TRIM37: variants seen among roughly 807,000 people sequenced by gnomAD.
TRIM37 encodes tripartite motif containing 37.
A neutral mutation model predicts 129.8 loss-of-function variants in TRIM37; 80 were observed. That is an observed-to-expected ratio of 0.62 (90% CI 0.51 to 0.74). TRIM37 has a LOEUF of 0.74. Ranked by LOEUF, TRIM37 falls within the 30% of genes least tolerant of loss-of-function variation. The pLI is 0.00. For missense variants in TRIM37, 1,054 were observed against 1,176.5 expected (o/e 0.90, Z 1.52); for synonymous variants, 389 against 387.1 (o/e 1.00, Z -0.06).
exon 25 of TRIM37, chr17:58,982,751 G>A (rs1049874414): frequency 3.4e-5 from 19 of 556,748 alleles, no homozygotes; most frequent in African/African-American, 2.1e-4. Flanking sequence ...TTCTTCTCAC[G>A]TCTGTGACAA....
At chr17:59,079,095 A>C (rs915032162) in intron 7 of TRIM37, among the ~76,000 whole-genome samples, 1 of 152,058 alleles carries the variant, frequency 6.6e-6, no homozygotes, top group African/African-American at 2.4e-5. Context: ...TTTAAAGTAT[A>C]TATATTTCAC....
chr17:59,009,149 CAG>C (rs747837158), intron 22 of TRIM37, among the ~76,000 whole-genome samples: 6 of 152,028 alleles, frequency 3.9e-5, no homozygotes, highest in Admixed American at 2.0e-4. Context: ...TTTTTTGAGA[CAG>C]AGTCTCGCTC....
chr17:58,998,539 C>A lies in TRIM37; in HGVS notation c.*838G>T, dbSNP rs529727378. Reference sequence around the variant, plus strand: ...CACGTTCATGTAAGCCACTGTGCAACATGAATGAATCTTTAAATGTGTTGA... The same window carrying A: ...CACGTTCATGTAAGCCACTGTGCAAAATGAATGAATCTTTAAATGTGTTGA... On this transcript the variant is annotated 3_prime_UTR_variant, in exon 24 of 24. Transcript: ENST00000262294. 4.1e-6 allele frequency: 4 copies of A among 985,274 alleles called. No homozygotes were observed. In the South Asian group the frequency reaches 1.4e-4, roughly 35 times the overall value. The allele number at this position is 985,274 out of a possible 1,614,324, so 61.0% of individuals were successfully genotyped here.
intron 24 of TRIM37, among the ~76,000 whole-genome samples, chr17:58,986,411 C>G (rs1462173344): frequency 6.6e-6 from 1 of 151,464 alleles, no homozygotes; most frequent in Non-Finnish European, 1.5e-5. Context: ...GTTGGCCAGG[C>G]TGGTCTCGAA....
chr17:58,971,993 T>C, the TRIM37 span: 4 of 795,872 alleles, frequency 5.0e-6, no homozygotes, highest in Non-Finnish European at 7.7e-6. Context: ...ATTGAGACAA[T>C]GAATTATTAT....
chr17:59,028,791 T>C (rs1568018397), intron 18 of TRIM37, 68 bp from the exon 19 acceptor site: 1 of 1,547,154 alleles, frequency 6.5e-7, no homozygotes. Context: ...GTACCATGAA[T>C]ATATGCAAAT....
intron 17 of TRIM37, among the ~76,000 whole-genome samples, chr17:59,034,239 A>T (rs1241591110): frequency 1.3e-5 from 2 of 152,078 alleles, no homozygotes; most frequent in Non-Finnish European, 2.9e-5. Flanking sequence ...ATTCTCCTTT[A>T]AAAATGTAAG....
At chr17:59,068,199 T>C (rs2042072488) in intron 9 of TRIM37, among the ~76,000 whole-genome samples, 1 of 152,228 alleles carries the variant, frequency 6.6e-6, no homozygotes, top group Non-Finnish European at 1.5e-5. Flanking sequence ...ATTAACAGAC[T>C]AGCGAGCATT....
chr17:59,065,471 C>T (rs751446217), intron 9 of TRIM37, among the ~76,000 whole-genome samples: 2 of 152,134 alleles, frequency 1.3e-5, no homozygotes, highest in Non-Finnish European at 2.9e-5. Flanking sequence ...AACTTTAGTC[C>T]CATCCAATCT....
chr17:58,989,533 T>C (rs1304821559), intron 24 of TRIM37, among the ~76,000 whole-genome samples: 2 of 152,220 alleles, frequency 1.3e-5, no homozygotes, highest in Admixed American at 6.5e-5. Context: ...ATGGAACCTA[T>C]AATTAAATAT....
intron 7 of TRIM37, among the ~76,000 whole-genome samples, chr17:59,076,604 A>G (rs2042833782): frequency 6.6e-6 from 1 of 152,218 alleles, no homozygotes; most frequent in Non-Finnish European, 1.5e-5. Context: ...ATAGAAAAGG[A>G]AGAAAGTGCT....
chr17:59,099,113 G>A (rs1359214606), intron 2 of TRIM37, among the ~76,000 whole-genome samples: 1 of 152,122 alleles, frequency 6.6e-6, no homozygotes, highest in Non-Finnish European at 1.5e-5. Flanking sequence ...AACCTCGGAG[G>A]TGGAGGGTGT....
intron 4 of TRIM37, among the ~76,000 whole-genome samples, chr17:59,085,916 T>C (rs972590182): frequency 6.6e-6 from 1 of 152,084 alleles, no homozygotes; most frequent in African/African-American, 2.4e-5. Flanking sequence ...TTATGCTAAG[T>C]AAAATAAACC....
At chr17:58,980,487 T>C (rs759516881), downstream of TRIM37, 2 of 1,614,118 alleles carry the variant, frequency 1.2e-6, no homozygotes, top group East Asian at 4.5e-5. This position sits in a 1 kb window ranked among gnomAD's most constrained non-coding sequence, Gnocchi z 4.7. Context: ...CTCACACAAA[T>C]AGAAGCAAGC....
At chr17:59,105,628 G>A (rs1372466701) in intron 1 of TRIM37, among the ~76,000 whole-genome samples, 1 of 152,026 alleles carries the variant, frequency 6.6e-6, no homozygotes, top group East Asian at 1.9e-4. Context: ...CTTTATATGA[G>A]GAATTAAGGA....
At chr17:59,105,647 C>T (rs1163101025) in intron 1 of TRIM37, among the ~76,000 whole-genome samples, 1 of 152,066 alleles carries the variant, frequency 6.6e-6, no homozygotes, top group Non-Finnish European at 1.5e-5. Context: ...GAGAAAATTA[C>T]TCATTAATCT....
At chr17:58,992,332 T>A (rs2032527203) in intron 24 of TRIM37, among the ~76,000 whole-genome samples, 1 of 146,204 alleles carries the variant, frequency 6.8e-6, no homozygotes, top group African/African-American at 2.5e-5. Flanking sequence ...AATATATATA[T>A]ATATATATAT....
intron 17 of TRIM37, among the ~76,000 whole-genome samples, 190 bp from the exon 18 acceptor site, chr17:59,032,280 C>T (rs1207841254): frequency 2.6e-5 from 4 of 151,224 alleles, no homozygotes; most frequent in East Asian, 3.9e-4. Context: ...AATCCCAGCA[C>T]TTTGGGAGGC....
chr17:59,019,256 C>T (rs2036294793), intron 19 of TRIM37, among the ~76,000 whole-genome samples: 1 of 152,186 alleles, frequency 6.6e-6, no homozygotes, highest in African/African-American at 2.4e-5. Context: ...CCCAAATATC[C>T]ATCAACTAAT....
Sources: gnomAD v4.1 joint callset for allele counts (sites outside exome capture counted in the v4.1 genomes callset) on GRCh38, gnomAD v4.1.1 for gene constraint, Gnocchi (gnomAD v3.1) non-coding constraint, MANE v1.5 for transcripts, NCBI Gene and HGNC (gene_info 2026-07-23, HGNC 2026-07-21) for gene names.